SUGCT: variants seen among roughly 807,000 people sequenced by gnomAD.
The protein encoded by SUGCT is succinyl-CoA:glutarate CoA-transferase.
A neutral mutation model predicts 55.0 loss-of-function variants in SUGCT; 41 were observed. That is an observed-to-expected ratio of 0.74 (90% CI 0.58 to 0.97). The LOEUF (loss-of-function observed/expected upper bound fraction) is 0.97. Among genes scored for constraint, SUGCT ranks in the 50% least tolerant of loss-of-function variants. The pLI is 0.00. For missense variants in SUGCT, 568 were observed against 547.8 expected, an observed-to-expected ratio of 1.04 and a Z score of -0.37; for synonymous variants, 187 against 200.4, an observed-to-expected ratio of 0.93 and a Z score of 0.56.
At chr7:40,572,268 T>G (rs1796490749) in intron 12 of SUGCT, among the ~76,000 whole-genome samples, 1 of 151,980 alleles carries the variant, frequency 6.6e-6, no homozygotes, top group South Asian at 2.1e-4. Context: ...AAAAAGAAAA[T>G]TTGTTGGTGT....
the SUGCT span, among the ~76,000 whole-genome samples, chr7:40,876,802 C>A: frequency 6.6e-6 from 1 of 152,094 alleles, no homozygotes; most frequent in Non-Finnish European, 1.5e-5. Flanking sequence ...GTGCATCCAT[C>A]CCAGGGCTGC....
the SUGCT span, among the ~76,000 whole-genome samples, chr7:40,868,303 A>G: frequency 7.9e-5 from 12 of 151,970 alleles, no homozygotes; most frequent in Admixed American, 7.9e-4. Flanking sequence ...TGTCCTCTTA[A>G]GTTACCTCCC....
intron 7 of SUGCT, among the ~76,000 whole-genome samples, chr7:40,251,136 A>T (rs1244931457): frequency 1.3e-5 from 2 of 151,928 alleles, no homozygotes; most frequent in Non-Finnish European, 2.9e-5. Flanking sequence ...GCCTCATTTC[A>T]TGCTTCTTTA....
chr7:40,579,373 G>C (rs1178223202), intron 12 of SUGCT, among the ~76,000 whole-genome samples: 1 of 152,092 alleles, frequency 6.6e-6, no homozygotes, highest in East Asian at 1.9e-4. Context: ...AATTTCTTCT[G>C]TTTTCACTGG....
chr7:40,382,517 G>A (rs1331940816), intron 9 of SUGCT, among the ~76,000 whole-genome samples: 1 of 152,118 alleles, frequency 6.6e-6, no homozygotes, highest in African/African-American at 2.4e-5. Flanking sequence ...ACAGAAAGGA[G>A]GACGTGAAAG....
intron 12 of SUGCT, among the ~76,000 whole-genome samples, chr7:40,582,256 G>A (rs1797141044): frequency 6.6e-6 from 1 of 152,132 alleles, no homozygotes; most frequent in Admixed American, 6.5e-5. Context: ...TCAAAATGGT[G>A]TTACTTGCAG....
At chr7:40,478,034 C>G (rs1340119319) in intron 11 of SUGCT, among the ~76,000 whole-genome samples, 6 of 152,098 alleles carry the variant, frequency 3.9e-5, no homozygotes, top group African/African-American at 1.4e-4. Flanking sequence ...GCTGTGTTGC[C>G]CAGGCTGGAG....
chr7:40,498,702 G>A (rs1379487325), intron 12 of SUGCT, among the ~76,000 whole-genome samples: 1 of 152,160 alleles, frequency 6.6e-6, no homozygotes, highest in Non-Finnish European at 1.5e-5. Flanking sequence ...GTTTATGAAG[G>A]GAACAGCACA....
intron 13 of SUGCT, among the ~76,000 whole-genome samples, chr7:40,789,007 T>G (rs985870760): frequency 2.0e-5 from 3 of 152,216 alleles, no homozygotes; most frequent in Admixed American, 1.3e-4. Flanking sequence ...GAGACAGGGA[T>G]TAAGACATGA....
the SUGCT span, among the ~76,000 whole-genome samples, chr7:40,891,086 A>G: frequency 6.6e-6 from 1 of 152,318 alleles, no homozygotes. Flanking sequence ...GCAAGCTCAA[A>G]GACAGGTCAT....
chr7:40,773,612 A>G (rs1045080813), intron 13 of SUGCT, among the ~76,000 whole-genome samples: 1 of 152,188 alleles, frequency 6.6e-6, no homozygotes, highest in Non-Finnish European at 1.5e-5. Flanking sequence ...GGGAAAATCT[A>G]TGTGATTTGA....
intron 9 of SUGCT, among the ~76,000 whole-genome samples, chr7:40,426,342 T>C (rs1787586068): frequency 6.6e-6 from 1 of 152,184 alleles, no homozygotes; most frequent in South Asian, 2.1e-4. Context: ...CAGCTGGATA[T>C]ATCTCAGACT....
At chr7:40,319,454 G>T (rs563018688) in intron 9 of SUGCT, among the ~76,000 whole-genome samples, 1 of 152,100 alleles carries the variant, frequency 6.6e-6, no homozygotes, top group African/African-American at 2.4e-5. Context: ...AGAAAACTTT[G>T]CATCTAAGTT....
chr7:40,585,764 C>T (rs948933959), intron 12 of SUGCT, among the ~76,000 whole-genome samples: 10 of 152,064 alleles, frequency 6.6e-5, no homozygotes, highest in South Asian at 4.1e-4. Context: ...ACTGTGGTCC[C>T]GACCTCCCAG....
chr7:40,366,874 C>A (rs918963161), intron 9 of SUGCT, among the ~76,000 whole-genome samples: 11 of 152,076 alleles, frequency 7.2e-5, no homozygotes, highest in East Asian at 3.9e-4. Flanking sequence ...TCAGGGATCT[C>A]GAACTAGAAA....
chr7:40,774,024 G>A (rs933139981), intron 13 of SUGCT, among the ~76,000 whole-genome samples: 5 of 152,120 alleles, frequency 3.3e-5, no homozygotes, highest in Admixed American at 6.6e-5. Flanking sequence ...TGTGTTATGA[G>A]GGCAAATACA....
rs750847986 is a variant in SUGCT, at chr7:40,481,659, A to T, written c.987-14625A>T. 2.0e-3 allele frequency among the ~76,000 whole-genome samples: 307 copies of T among 152,276 alleles called. 3 individuals are homozygous for T. Among genetic ancestry groups the T allele is most frequent in the Non-Finnish European group, 3.4e-3 (230 of 67,998 alleles). On this transcript the variant is annotated intron_variant, in intron 11 of 13. Coordinates refer to ENST00000335693, the MANE Select transcript of SUGCT (RefSeq NM_001193313.2). The stretch of plus-strand genomic sequence containing the variant: ...AAGATATAACCAGGGATTTTGTAAA[A>T]TAAGATGTGTAAATAACTGTAAGCA...
chr7:40,368,065 G>T (rs978154509), intron 9 of SUGCT, among the ~76,000 whole-genome samples: 1 of 152,126 alleles, frequency 6.6e-6, no homozygotes, highest in Middle Eastern at 3.2e-3. Context: ...ACTAGGAAAA[G>T]CCTACTTATC....
the SUGCT span, among the ~76,000 whole-genome samples, chr7:40,982,164 A>G: frequency 6.6e-6 from 1 of 152,206 alleles, no homozygotes; most frequent in African/African-American, 2.4e-5. Flanking sequence ...GGCCTGGCTC[A>G]CAGTGAGAAC....
Sources: gnomAD v4.1 joint callset for allele counts (sites outside exome capture counted in the v4.1 genomes callset) on GRCh38, gnomAD v4.1.1 for gene constraint, MANE v1.5 for transcripts, NCBI Gene and HGNC (gene_info 2026-07-23, HGNC 2026-07-21) for gene names.